The following RPS6KA5 variants were observed in gnomAD, a reference collection of about 807,000 sequenced individuals.
The protein encoded by RPS6KA5 is ribosomal protein S6 kinase alpha-5.
RPS6KA5 carries 27 observed loss-of-function variants against 85.5 expected under a neutral mutation model. The ratio of observed to expected loss-of-function variants is 0.32; its 90% CI spans 0.23 to 0.44. The LOEUF (loss-of-function observed/expected upper bound fraction) is 0.44, where lower values mean the gene tolerates loss of function less well. Ranked by LOEUF, RPS6KA5 falls within the 20% of genes least tolerant of loss-of-function variation. The pLI is 1.00. For missense variants in RPS6KA5, 811 were observed against 980.9 expected, an observed-to-expected ratio of 0.83 and a Z score of 2.31; for synonymous variants, 334 against 348.2, an observed-to-expected ratio of 0.96 and a Z score of 0.46.
intron 8 of RPS6KA5, among the ~76,000 whole-genome samples, chr14:90,904,095 G>A (rs571415451): frequency 3.1e-4 from 47 of 152,194 alleles, no homozygotes; most frequent in East Asian, 3.9e-4. Flanking sequence ...GACTACAGGC[G>A]ACCGCCACCA....
intron 1 of RPS6KA5, among the ~76,000 whole-genome samples, chr14:91,056,460 T>C (rs1360724385): frequency 2.0e-5 from 3 of 152,174 alleles, no homozygotes; most frequent in African/African-American, 7.2e-5. Context: ...AGCTGTAGGA[T>C]GTAAAACTTG....
chr14:90,931,807 T>TA (rs1473782329), intron 5 of RPS6KA5, among the ~76,000 whole-genome samples: 1 of 152,120 alleles, frequency 6.6e-6, no homozygotes, highest in Admixed American at 6.5e-5. Context: ...GGAGAAAAGA[T>TA]AGACTGGATA....
rs2033365739 is a variant in RPS6KA5, at chr14:90,875,083, C to T, written c.1996+118G>A. 1.0e-5 allele frequency: 10 copies of T among 1,002,148 alleles called. No individual in the cohort carries two copies. The East Asian group carries it at 2.2e-4, about 22-fold the overall frequency. 62.1% of individuals were successfully genotyped at this position (1,002,148 alleles called of 1,614,324 possible). The stretch of plus-strand genomic sequence containing the variant: ...AGGCTGAAGAGAGTAGCCTGGAAGC[C>T]TTTTAGAATACACATGGATTCCTCG... On this transcript the variant is annotated intron_variant, in intron 15 of 16. Transcript: ENST00000614987.
At chr14:91,007,002 G>C (rs2041050985) in intron 1 of RPS6KA5, among the ~76,000 whole-genome samples, 1 of 152,232 alleles carries the variant, frequency 6.6e-6, no homozygotes, top group Admixed American at 6.5e-5. Context: ...TTCTACAGAA[G>C]AGTTTTACAT....
chr14:90,927,973 T>C (rs1280661921), intron 5 of RPS6KA5, among the ~76,000 whole-genome samples: 2 of 150,556 alleles, frequency 1.3e-5, no homozygotes, highest in Non-Finnish European at 3.0e-5. Flanking sequence ...TCTCATTCTG[T>C]CATCCAGGCT....
chr14:90,890,969 C>T (rs556810350), intron 13 of RPS6KA5, among the ~76,000 whole-genome samples: 106 of 152,140 alleles, frequency 7.0e-4, no homozygotes, highest in Non-Finnish European at 1.3e-3. Flanking sequence ...TTTGCTTCCT[C>T]CGCCAACCTA....
In RPS6KA5 at chr14:90,872,089, C is replaced by T. The variant is rs143846565; in HGVS notation, c.2394G>A (p.Ser798=). The T allele has an allele frequency of 2.8e-5, 45 of 1,612,340 alleles. No individual in the cohort carries two copies. Among genetic ancestry groups the T allele is most frequent in the Middle Eastern group, 1.6e-4 (1 of 6,064 alleles). ...CCTACCATGCCTAAGCTACTGAGTCCGAGAACTGGAAGAGGGTCTCCGGGT... is the reference window on the plus strand; with the variant it reads ...CCTACCATGCCTAAGCTACTGAGTCTGAGAACTGGAAGAGGGTCTCCGGGT... The part of the protein sequence containing the change: ...SNNPETLFQF[S]DSVA The change falls in exon 17 of 17, where the codon TCG becomes TCA. Residue 798 remains serine, a synonymous_variant. Coordinates refer to ENST00000614987, the MANE Select transcript of RPS6KA5 (RefSeq NM_004755.4).
At chr14:90,887,453 G>A (rs927976998) in intron 14 of RPS6KA5, among the ~76,000 whole-genome samples, 2 of 151,960 alleles carry the variant, frequency 1.3e-5, no homozygotes, top group African/African-American at 4.8e-5. Flanking sequence ...GCCTCCCGAA[G>A]TGCTGGGATT....
At chr14:90,909,658 C>T (rs879323022) in intron 7 of RPS6KA5, among the ~76,000 whole-genome samples, 37 of 152,122 alleles carry the variant, frequency 2.4e-4, no homozygotes, top group Non-Finnish European at 5.3e-4. Flanking sequence ...GGTTGATTGC[C>T]TAGCCACATA....
chr14:90,981,008 C>T (rs949381313), intron 2 of RPS6KA5, among the ~76,000 whole-genome samples: 1 of 152,102 alleles, frequency 6.6e-6, no homozygotes, highest in Non-Finnish European at 1.5e-5. Context: ...CCTGTCTCTA[C>T]TGAAAACACA....
chr14:91,032,633 C>G (rs770685608), intron 1 of RPS6KA5, among the ~76,000 whole-genome samples: 2 of 152,246 alleles, frequency 1.3e-5, no homozygotes, highest in African/African-American at 4.8e-5. Flanking sequence ...TCATGCTTGA[C>G]GGCTATGGGT....
At chr14:90,957,273 C>T (rs1595335004) in intron 3 of RPS6KA5, among the ~76,000 whole-genome samples, 1 of 152,154 alleles carries the variant, frequency 6.6e-6, no homozygotes, top group East Asian at 1.9e-4. Flanking sequence ...CCATGTTGGC[C>T]AGGCTGCTCT....
chr14:91,006,124 G>A lies in RPS6KA5; in HGVS notation c.104-4965C>T, dbSNP rs1361523493. Among the ~76,000 whole-genome samples the A allele has an allele frequency of 7.9e-5, 12 of 152,118 alleles. No homozygotes were observed. The East Asian group carries it at 1.3e-3, about 17-fold the overall frequency. On this transcript the variant is annotated intron_variant, in intron 1 of 16. Coordinates refer to ENST00000614987, the MANE Select transcript of RPS6KA5 (RefSeq NM_004755.4). ...CTAGTTCTCCCCAAAGGTAAGAAAC[G>A]TGACTAATTCATTTATTCAAGAGTC...
Position 90,863,197 on chromosome 14 carries a change from G to A in RPS6KA5, c.*8877C>T, listed in dbSNP as rs1483667015. ...GCATGCCTGTGGTCCCAGCCACCCG[G>A]GAGACTGAGGCAGAAGAATCACTTG... On this transcript the variant is annotated 3_prime_UTR_variant, in exon 17 of 17. Transcript: ENST00000614987. The A allele has an allele frequency of 1.3e-5, 2 of 150,678 alleles. No individual in the cohort carries two copies. The highest frequency in any genetic ancestry group is 3.0e-5 in the Non-Finnish European group (2 of 67,700). 9.3% of individuals were successfully genotyped at this position (150,678 alleles called of 1,614,324 possible).
In RPS6KA5 at chr14:91,032,042, C is replaced by T. The variant is rs997646013; in HGVS notation, c.103+28290G>A. Among the ~76,000 whole-genome samples the T allele has an allele frequency of 9.4e-4, 143 of 152,252 alleles. 2 individuals carry two copies. The highest frequency in any genetic ancestry group is 5.8e-4 in the East Asian group (3 of 5,188). ...TACTCTTTGCGGGCGACATTATAGGCAGGTCCACTTAAACACCGTTCTCAC... is the reference window on the plus strand; with the variant it reads ...TACTCTTTGCGGGCGACATTATAGGTAGGTCCACTTAAACACCGTTCTCAC... On this transcript the variant is annotated intron_variant, in intron 1 of 16. Transcript: ENST00000614987.
At chr14:90,924,051 C>T (rs2036541250) in intron 5 of RPS6KA5, among the ~76,000 whole-genome samples, 1 of 151,864 alleles carries the variant, frequency 6.6e-6, no homozygotes, top group Admixed American at 6.6e-5. Flanking sequence ...TTATCTGGTG[C>T]TTTGGGGGAG....
chr14:90,878,071 T>C (rs539255571), intron 14 of RPS6KA5, among the ~76,000 whole-genome samples: 1 of 152,312 alleles, frequency 6.6e-6, no homozygotes, highest in African/African-American at 2.4e-5. Context: ...ACTGAACTGG[T>C]GTGCACACCT....
At chr14:91,012,249 C>G (rs2041291842) in intron 1 of RPS6KA5, among the ~76,000 whole-genome samples, 1 of 152,184 alleles carries the variant, frequency 6.6e-6, no homozygotes, top group Non-Finnish European at 1.5e-5. Context: ...TTTCTCCGTT[C>G]CAACACTTTT....
Position 90,984,945 on chromosome 14 carries a change from T to TC in RPS6KA5, c.176-6422_176-6421insG, listed in dbSNP as rs1385203376. Among the ~76,000 whole-genome samples the TC allele has an allele frequency of 6.6e-5, 9 of 136,354 alleles. No individual in the cohort carries two copies. In the East Asian group the frequency reaches 1.8e-3, roughly 27 times the overall value. The allele number at this position is 136,354 out of a possible 152,430, so 89.5% of individuals were successfully genotyped here. A position where few individuals can be genotyped will look rare whatever the true frequency, so the allele number is the denominator to read the frequency against. ...ACATGTTCATAAGTAGCCTTTAATC[T>TC]TTTTTTTTTTTTGAGACGGAGTTTT... is the stretch of plus-strand genomic sequence containing the variant. On this transcript the variant is annotated intron_variant, in intron 2 of 16. Coordinates refer to ENST00000614987, the MANE Select transcript of RPS6KA5 (RefSeq NM_004755.4).
Sources: gnomAD v4.1 joint callset for allele counts (sites outside exome capture counted in the v4.1 genomes callset) on GRCh38, gnomAD v4.1.1 for gene constraint, MANE v1.5 for transcripts, NCBI Gene and HGNC (gene_info 2026-07-23, HGNC 2026-07-21) for gene names.